The following CELSR1 variants were observed in gnomAD, a reference collection of about 807,000 sequenced individuals.
CELSR1 encodes cadherin EGF LAG seven-pass G-type receptor 1.
A neutral mutation model predicts 249.1 loss-of-function variants in CELSR1; 110 were observed. The ratio of observed to expected loss-of-function variants is 0.44; its 90% CI spans 0.38 to 0.52. The LOEUF is 0.52. Among genes scored for constraint, CELSR1 ranks in the 20% least tolerant of loss-of-function variants. CELSR1 has a pLI of 0.00. For synonymous variants in CELSR1, 2,113 were observed against 1,900.0 expected (o/e 1.11, Z -2.92); for missense variants, 4,109 against 4,296.4 (o/e 0.96, Z 1.22).
chr22:46,487,512 A>G (rs1388367823), intron 1 of CELSR1, among the ~76,000 whole-genome samples: 1 of 120,136 alleles, frequency 8.3e-6, no homozygotes, highest in African/African-American at 3.4e-5. Context: ...AATGGGGCCA[A>G]TTAGCATGGT....
At chr22:46,373,308 C>T (rs565936703) in intron 24 of CELSR1, among the ~76,000 whole-genome samples, 1 of 152,132 alleles carries the variant, frequency 6.6e-6, no homozygotes, top group Non-Finnish European at 1.5e-5. Context: ...GTGAGAATGA[C>T]AGAGAGAGAC....
rs1259444439 is a variant in CELSR1, at chr22:46,517,153, G to A, written c.3544+16474C>T. 6.6e-6 allele frequency among the ~76,000 whole-genome samples: 1 copy of A among 152,218 alleles called. No homozygotes were observed. Among genetic ancestry groups the A allele is most frequent in the Non-Finnish European group, 1.5e-5 (1 of 68,032 alleles). ...ACAAACCACCTCCCCATCCCCCACT[G>A]CCTCAGTTTTCCCAGCTGCAGAGCA... On this transcript the variant is annotated intron_variant, in intron 1 of 34. Coordinates refer to ENST00000674500, the MANE Select transcript of CELSR1 (RefSeq NM_001378328.1). This position sits in a 1 kb window ranked among gnomAD's most constrained non-coding sequence, Gnocchi z 5.4.
chr22:46,454,727 C>G lies in CELSR1; in HGVS notation c.4183+8980G>C, dbSNP rs1038753144. 3.9e-5 allele frequency among the ~76,000 whole-genome samples: 6 copies of G among 152,254 alleles called. No homozygotes were observed. The highest frequency in any genetic ancestry group is 7.3e-5 in the Non-Finnish European group (5 of 68,042). The stretch of plus-strand genomic sequence containing the variant: ...TTAGCGTTCGCAAAGGTAAACACAT[C>G]GCAGAAACCTGCCTCCCACCCTGGA... On this transcript the variant is annotated intron_variant, in intron 2 of 34. Coordinates refer to ENST00000674500, the MANE Select transcript of CELSR1 (RefSeq NM_001378328.1). The surrounding 1 kb of genome is among the most constrained non-coding windows in gnomAD (Gnocchi z 5.1).
rs1400234917 is a variant in CELSR1, at chr22:46,410,536, G to C, written c.4795C>G (p.Leu1599Val). 6.2e-7 allele frequency: 1 copy of C among 1,614,038 alleles called. No homozygotes were observed. The highest frequency in any genetic ancestry group is 1.7e-5 in the Admixed American group (1 of 60,032). The change falls in exon 7 of 35, where the codon CTC becomes GTC. Residue 1599 changes from leucine to valine, a missense_variant. This residue lies in a region of CELSR1 where 453 missense variants were observed against 492.0 expected (regional missense o/e 0.92). Coordinates refer to ENST00000674500, the MANE Select transcript of CELSR1 (RefSeq NM_001378328.1). This position sits in a 1 kb window ranked among gnomAD's most constrained non-coding sequence, Gnocchi z 6.8. ...GGCAGGTTGGGGACACCCCCCAGGA[G>C]TAGAGGGCCGGTCAGATCCAGGGAC... Reference protein sequence around the residue: ...KKSLDLTGPLLLGGVPNLPED... With the variant: ...KKSLDLTGPLVLGGVPNLPED...
rs748860060 is a variant in CELSR1 at position 46,409,726 on chromosome 22, C to CG, written c.5059+28dup. On this transcript the variant is annotated intron_variant, in intron 8 of 34. Transcript: ENST00000674500. The surrounding 1 kb of genome is among the most constrained non-coding windows in gnomAD (Gnocchi z 9.8). ...GCAATGCCTCCCAGGCCGCCGTGAC[C>CG]GGGGGGATGGACGACGCCGGCCACT... The CG allele has an allele frequency of 4.3e-6, 7 of 1,609,994 alleles. No homozygotes were observed. The highest frequency in any genetic ancestry group is 4.0e-5 in the African/African-American group (3 of 75,032).
Position 46,464,294 on chromosome 22 carries a change from G to C in CELSR1, c.3596C>G (p.Thr1199Arg). The C allele has an allele frequency of 1.2e-6, 2 of 1,613,438 alleles. No individual in the cohort carries two copies. The highest frequency in any genetic ancestry group is 1.7e-6 in the Non-Finnish European group (2 of 1,180,028). Residue 1199 changes from threonine (T) to arginine (R), a missense_variant, in exon 2 of 35, where the codon ACG (threonine) becomes AGG (arginine). Coordinates refer to ENST00000674500, the MANE Select transcript of CELSR1 (RefSeq NM_001378328.1). This position sits in a 1 kb window ranked among gnomAD's most constrained non-coding sequence, Gnocchi z 8.5. The part of the protein sequence containing the change: ...AFCTLRVTII[T>R]DDMLTNSITV... ...GATGCTGTTGGTCAGCATGTCGTCC[G>C]TGATGATGGTGACACGCAGGGTGCA...
Position 46,363,640 on chromosome 22 carries a change from C to G in CELSR1, c.9035+356G>C, listed in dbSNP as rs2078730783. 5.4e-6 allele frequency: 2 copies of G among 367,726 alleles called. No homozygotes were observed. Among genetic ancestry groups the G allele is most frequent in the Non-Finnish European group, 9.9e-6 (2 of 202,008 alleles). 22.8% of individuals were successfully genotyped at this position (367,726 alleles called of 1,614,324 possible). On this transcript the variant is annotated intron_variant, in intron 34 of 34. Coordinates refer to ENST00000674500, the MANE Select transcript of CELSR1 (RefSeq NM_001378328.1). The surrounding 1 kb of genome is among the most constrained non-coding windows in gnomAD (Gnocchi z 4.3). ...CCCCGCCCCCTTCACCCCTGGCATTCCGGGACCCTCAGTATCCTCAACTGC... is the reference window on the plus strand; with the variant it reads ...CCCCGCCCCCTTCACCCCTGGCATTGCGGGACCCTCAGTATCCTCAACTGC...
rs1429649103 is a variant in CELSR1, at chr22:46,506,058, A to G, written c.3544+27569T>C. On this transcript the variant is annotated intron_variant, in intron 1 of 34. Coordinates refer to ENST00000674500, the MANE Select transcript of CELSR1 (RefSeq NM_001378328.1). This position sits in a 1 kb window ranked among gnomAD's most constrained non-coding sequence, Gnocchi z 4.1. ...GCAGGGCATGGTGGCAGGCACCTGT[A>G]ATCCCAGCTACTCGGGAGGCTGAGG... Among the ~76,000 whole-genome samples the G allele has an allele frequency of 1.3e-5, 2 of 151,956 alleles. No individual in the cohort carries two copies. Among genetic ancestry groups the G allele is most frequent in the Non-Finnish European group, 2.9e-5 (2 of 67,994 alleles).
At chr22:46,514,959 C>A (rs370450845) in intron 1 of CELSR1, among the ~76,000 whole-genome samples, 61 of 152,304 alleles carry the variant, frequency 4.0e-4, no homozygotes, top group African/African-American at 1.4e-3. Flanking sequence ...CATGCCTCCC[C>A]ACAAAAGTGG....
At position 46,516,743 on chromosome 22, in the gene CELSR1, AG is replaced by A. The variant is rs756338082; in HGVS notation, c.3544+16883del. 4.6e-5 allele frequency among the ~76,000 whole-genome samples: 7 copies of A among 152,230 alleles called. No individual in the cohort carries two copies. In the East Asian group the frequency reaches 1.4e-3, roughly 29 times the overall value. On this transcript the variant is annotated intron_variant, in intron 1 of 34. Coordinates refer to ENST00000674500, the MANE Select transcript of CELSR1 (RefSeq NM_001378328.1). The stretch of plus-strand genomic sequence containing the variant: ...GCTCCTCCGGCCCAACGGACCACAA[AG>A]TCCATTCCCTCCACTTCTCACCCAG...
rs1429200410 is a variant in CELSR1 at position 46,406,642 on chromosome 22, G to A, written c.5226+2354C>T. Among the ~76,000 whole-genome samples, 1 of 152,218 alleles carries A rather than the reference G, an allele frequency of 6.6e-6. No individual in the cohort carries two copies. The highest frequency in any genetic ancestry group is 1.5e-5 in the Non-Finnish European group (1 of 68,042). ...CCCTCATGCCAATCTTGGCTATACAGAACTGTTTCTAGATGGGCTGTCCTT... is the reference window on the plus strand; with the variant it reads ...CCCTCATGCCAATCTTGGCTATACAAAACTGTTTCTAGATGGGCTGTCCTT... On this transcript the variant is annotated intron_variant, in intron 9 of 34. Coordinates refer to ENST00000674500, the MANE Select transcript of CELSR1 (RefSeq NM_001378328.1). The surrounding 1 kb of genome is among the most constrained non-coding windows in gnomAD (Gnocchi z 5.4).
chr22:46,517,831 T>C lies in CELSR1; in HGVS notation c.3544+15796A>G, dbSNP rs1394442061. Among the ~76,000 whole-genome samples, 1 of 151,912 alleles carries C rather than the reference T, an allele frequency of 6.6e-6. No homozygotes were observed. The highest frequency in any genetic ancestry group is 2.4e-5 in the African/African-American group (1 of 41,348). Reference sequence around the variant, plus strand: ...ACCCAGAGGGAAAGGGAGGGTGAGCTGTCATCTGAAAGCACCCACCACCCT... The same window carrying C: ...ACCCAGAGGGAAAGGGAGGGTGAGCCGTCATCTGAAAGCACCCACCACCCT... On this transcript the variant is annotated intron_variant, in intron 1 of 34. Coordinates refer to ENST00000674500, the MANE Select transcript of CELSR1 (RefSeq NM_001378328.1). The surrounding 1 kb of genome is among the most constrained non-coding windows in gnomAD (Gnocchi z 5.4).
chr22:46,519,556 G>A (rs1891688271), intron 1 of CELSR1, among the ~76,000 whole-genome samples: 1 of 152,220 alleles, frequency 6.6e-6, no homozygotes, highest in African/African-American at 2.4e-5. Flanking sequence ...GTAGAACCAG[G>A]CAGAGCCTGG....
In CELSR1 at chr22:46,439,324, C is replaced by T. The variant is rs1260381700; in HGVS notation, c.4271G>A (p.Gly1424Asp). 1.9e-6 allele frequency: 3 copies of T among 1,614,074 alleles called. No individual in the cohort carries two copies. Among genetic ancestry groups the T allele is most frequent in the East Asian group, 2.2e-5 (1 of 44,870 alleles). The change falls in exon 3 of 35, where the codon GGC becomes GAC. Residue 1424 changes from glycine (G) to aspartate (D), a missense_variant. Physicochemically the swap from Gly to Asp is moderately conservative, Grantham distance 94. Coordinates refer to ENST00000674500, the MANE Select transcript of CELSR1 (RefSeq NM_001378328.1). ...NGGTCVNLLI[G>D]GFHCVCPPGE... ...AGGAGGACACACGCAGTGGAAGCCG[C>T]CGATGAGCAGGTTCACGCAGGTGCC...
intron 1 of CELSR1, among the ~76,000 whole-genome samples, chr22:46,476,595 CA>C (rs35183117): frequency 0.7 from 75,156 of 107,722 alleles, 23,852 homozygotes; most frequent in East Asian, 0.83. Flanking sequence ...GACTCCGTCT[CA>C]AAAAAAAAAA....
In CELSR1 at chr22:46,363,952, G is replaced by C. The variant is rs1307745183; in HGVS notation, c.9035+44C>G. The C allele has an allele frequency of 6.5e-7, 1 of 1,530,182 alleles. No homozygotes were observed. The highest frequency in any genetic ancestry group is 2.4e-5 in the East Asian group (1 of 41,658). The allele number at this position is 1,530,182 out of a possible 1,614,324, so 94.8% of individuals were successfully genotyped here. ...CCCTCTCTCTCCTGACTCAGGACAA[G>C]GGGGAAGTGGGTGATCCCCGCCCTG... On this transcript the variant is annotated intron_variant, in intron 34 of 34. Transcript: ENST00000674500. This position sits in a 1 kb window ranked among gnomAD's most constrained non-coding sequence, Gnocchi z 4.3.
At chr22:46,364,811 G>T in intron 32 of CELSR1, 75 bp from the exon 33 acceptor site, 1 of 1,410,612 alleles carries the variant, frequency 7.1e-7, no homozygotes, top group Non-Finnish European at 9.6e-7. Context: ...CATGGGTCTG[G>T]TGGCTCTGAC....
chr22:46,424,775 C>A (rs1247950690), intron 5 of CELSR1, among the ~76,000 whole-genome samples: 2 of 152,228 alleles, frequency 1.3e-5, no homozygotes, highest in African/African-American at 4.8e-5. Flanking sequence ...GAGTTCAAAA[C>A]CAGCCTGACC....
Position 46,363,993 on chromosome 22 carries a change from C to T in CELSR1, c.9035+3G>A. ...CCCCGCCCTGGAGGCCCAGGCTACTCACTCAGAGTCGGAGCCATCGGCCTG... is the reference window on the plus strand; with the variant it reads ...CCCCGCCCTGGAGGCCCAGGCTACTTACTCAGAGTCGGAGCCATCGGCCTG... On this transcript the variant is annotated splice_donor_region_variant and intron_variant, in intron 34 of 34. Transcript: ENST00000674500. This position sits in a 1 kb window ranked among gnomAD's most constrained non-coding sequence, Gnocchi z 4.3. 1 of 1,597,008 alleles carries T rather than the reference C, an allele frequency of 6.3e-7. No individual in the cohort carries two copies. The highest frequency in any genetic ancestry group is 8.5e-7 in the Non-Finnish European group (1 of 1,172,860).
Sources: allele counts gnomAD v4.1 joint callset (sites outside exome capture counted in the v4.1 genomes callset), GRCh38; gene constraint gnomAD v4.1.1; regional missense constraint gnomAD v4.1.1; non-coding constraint Gnocchi (gnomAD v3.1); transcripts MANE v1.5; gene names NCBI Gene and HGNC (gene_info 2026-07-23, HGNC 2026-07-21).